The following IGSF11 variants were observed in gnomAD, a reference collection of about 807,000 sequenced individuals.
IGSF11 encodes CXADR like 1.
A neutral mutation model predicts 41.0 loss-of-function variants in IGSF11; 22 were observed. The ratio of observed to expected loss-of-function variants is 0.54; its 90% CI spans 0.38 to 0.77. IGSF11 has a LOEUF of 0.77. Ranked by LOEUF, IGSF11 falls within the 30% of genes least tolerant of loss-of-function variation. IGSF11 has a pLI of 0.00. For missense variants in IGSF11, 444 were observed against 530.8 expected (o/e 0.84, Z 1.61); for synonymous variants, 219 against 201.3 (o/e 1.09, Z -0.74).
chr3:118,957,771 C>T lies in IGSF11; in HGVS notation c.53-27496G>A, dbSNP rs148668970. ...TTTTGAAAGAGCAGTCAACTGCCAG[C>T]AGAGGCTTAAGCAGAAAGTGCTCTG... is the stretch of plus-strand genomic sequence containing the variant. On this transcript the variant is annotated intron_variant, in intron 1 of 6. Transcript: ENST00000393775. Among the ~76,000 whole-genome samples, 301 of 152,312 alleles carry T rather than the reference C, an allele frequency of 2.0e-3. 1 individual carries two copies. Among genetic ancestry groups the T allele is most frequent in the African/African-American group, 6.6e-3 (276 of 41,562 alleles).
At position 118,970,645 on chromosome 3, in the gene IGSF11, G is replaced by T. The variant is rs554763312; in HGVS notation, c.53-40370C>A. 4.7e-5 allele frequency among the ~76,000 whole-genome samples: 7 copies of T among 150,508 alleles called. No homozygotes were observed. The South Asian group carries it at 1.3e-3, about 27-fold the overall frequency. ...TTTAAGGTGATGATTTAAAATAGCA[G>T]CAAAAAGGATATATTCTAGGAGTTG... On this transcript the variant is annotated intron_variant, in intron 1 of 6. Coordinates refer to ENST00000393775, the MANE Select transcript of IGSF11 (RefSeq NM_001015887.3).
intron 1 of IGSF11, chr3:118,981,993 G>C (rs757043256): frequency 1.3e-5 from 2 of 152,322 alleles, no homozygotes; most frequent in East Asian, 3.9e-4. Flanking sequence ...TGTCTCACCC[G>C]ACCAACACAA....
intron 1 of IGSF11, among the ~76,000 whole-genome samples, chr3:119,027,945 G>T (rs1939982736): frequency 6.6e-6 from 1 of 152,166 alleles, no homozygotes; most frequent in African/African-American, 2.4e-5. Context: ...CCTGCAAGAA[G>T]TGATGCTTAC....
At chr3:118,971,849 A>T (rs1451293357) in intron 1 of IGSF11, among the ~76,000 whole-genome samples, 1 of 151,964 alleles carries the variant, frequency 6.6e-6, no homozygotes, top group Non-Finnish European at 1.5e-5. Flanking sequence ...GATAGAAGAA[A>T]CTTCTGCTCC....
intron 1 of IGSF11, among the ~76,000 whole-genome samples, chr3:118,993,091 T>C (rs1413246711): frequency 6.6e-6 from 1 of 152,144 alleles, no homozygotes; most frequent in Non-Finnish European, 1.5e-5. Context: ...CTGGGCATGG[T>C]GGCACATACC....
chr3:119,053,049 G>T (rs1374506310), intron 1 of IGSF11, among the ~76,000 whole-genome samples: 1 of 152,020 alleles, frequency 6.6e-6, no homozygotes, highest in Non-Finnish European at 1.5e-5. Flanking sequence ...ATACTGAATG[G>T]GGAAAAGTTG....
chr3:118,905,598 G>A lies in IGSF11; in HGVS notation c.701C>T (p.Ser234Leu). The change falls in exon 5 of 7, where the codon TCA (serine) becomes TTA (leucine). Residue 234 changes from serine (S) to leucine (L), a missense_variant and splice_region_variant. Ser to Leu is a moderately radical substitution (Grantham distance 145). Transcript: ENST00000393775. ...CATCAGAATTTCCATATGCTTACGTGAAATAACCTGGAGATCCAGAAGACA... is the reference window on the plus strand; with the variant it reads ...CATCAGAATTTCCATATGCTTACGTAAAATAACCTGGAGATCCAGAAGACA... ...STCLLDLQVISPQPRNIGLIA... is the reference protein window; with the variant it reads ...STCLLDLQVILPQPRNIGLIA... The A allele has an allele frequency of 6.2e-7, 1 of 1,613,792 alleles. No individual in the cohort carries two copies. The highest frequency in any genetic ancestry group is 1.7e-4 in the Middle Eastern group (1 of 6,054).
intron 1 of IGSF11, among the ~76,000 whole-genome samples, chr3:119,002,194 G>A (rs1363186959): frequency 1.5e-5 from 2 of 135,102 alleles, no homozygotes; most frequent in Admixed American, 7.4e-5. Flanking sequence ...TCTCATAGTG[G>A]TTTTGATTTG....
At chr3:118,951,297 C>A (rs111778377) in intron 1 of IGSF11, among the ~76,000 whole-genome samples, 1 of 152,094 alleles carries the variant, frequency 6.6e-6, no homozygotes, top group Non-Finnish European at 1.5e-5. Context: ...GATTCATAGA[C>A]CAAAGCTGGC....
chr3:119,127,556 C>G (rs1045333718), intron 1 of IGSF11, among the ~76,000 whole-genome samples: 2 of 152,140 alleles, frequency 1.3e-5, no homozygotes, highest in Middle Eastern at 3.4e-3. Flanking sequence ...ACAGAGAACA[C>G]CATTAAGATA....
At chr3:119,134,385 T>C (rs1036936876) in intron 1 of IGSF11, among the ~76,000 whole-genome samples, 1 of 152,158 alleles carries the variant, frequency 6.6e-6, no homozygotes, top group Admixed American at 6.5e-5. Flanking sequence ...ACAAAATCAA[T>C]GTGCAAAAAT....
At chr3:119,114,038 AAGG>A (rs1361760938) in intron 1 of IGSF11, among the ~76,000 whole-genome samples, 1 of 152,354 alleles carries the variant, frequency 6.6e-6, no homozygotes, top group African/African-American at 2.4e-5. Flanking sequence ...GCTAGGATGC[AAGG>A]AGCAGTGTCC....
At chr3:119,031,277 C>CT (rs1390762444) in intron 1 of IGSF11, among the ~76,000 whole-genome samples, 10 of 124,522 alleles carry the variant, frequency 8.0e-5, no homozygotes, top group South Asian at 3.0e-4. Flanking sequence ...AATAAATAAA[C>CT]AAACTAACTA....
At chr3:118,956,962 C>CA (rs1945005167) in intron 1 of IGSF11, among the ~76,000 whole-genome samples, 1 of 151,814 alleles carries the variant, frequency 6.6e-6, no homozygotes, top group Non-Finnish European at 1.5e-5. Context: ...TGTTGTGGGG[C>CA]AGGGGGTGGT....
At chr3:118,984,079 T>G (rs757828473) in intron 1 of IGSF11, among the ~76,000 whole-genome samples, 6 of 152,100 alleles carry the variant, frequency 3.9e-5, no homozygotes, top group Non-Finnish European at 5.9e-5. Context: ...CCAGCTCTCC[T>G]TCCTCTTCTA....
intron 1 of IGSF11, among the ~76,000 whole-genome samples, chr3:118,999,235 T>C (rs888373191): frequency 6.6e-6 from 1 of 152,032 alleles, no homozygotes; most frequent in East Asian, 1.9e-4. Context: ...ATAAATATAT[T>C]AGCTAAGAAA....
chr3:119,020,804 A>G (rs987882888), intron 1 of IGSF11, among the ~76,000 whole-genome samples: 1 of 152,214 alleles, frequency 6.6e-6, no homozygotes, highest in African/African-American at 2.4e-5. Context: ...TGATATATCT[A>G]TACTTCTGCT....
intron 1 of IGSF11, among the ~76,000 whole-genome samples, chr3:119,028,779 C>A (rs1940075015): frequency 1.3e-5 from 2 of 151,900 alleles, no homozygotes; most frequent in Admixed American, 1.3e-4. Flanking sequence ...TTAGTTGAAG[C>A]TGACATAGTC....
At chr3:118,921,413 A>G (rs947593759) in intron 4 of IGSF11, among the ~76,000 whole-genome samples, 1 of 152,318 alleles carries the variant, frequency 6.6e-6, no homozygotes, top group South Asian at 2.1e-4. Context: ...AAAATAGAGG[A>G]AAGGCACATA....
Sources: allele counts gnomAD v4.1 joint callset (sites outside exome capture counted in the v4.1 genomes callset), GRCh38; gene constraint gnomAD v4.1.1; transcripts MANE v1.5; gene names NCBI Gene and HGNC (gene_info 2026-07-23, HGNC 2026-07-21).